Variants in CD244 observed in about 807,000 individuals in gnomAD.
CD244 encodes the protein natural killer cell receptor 2B4.
Under a neutral mutation model 45.5 loss-of-function variants are expected in CD244, and 20 were observed. That is an observed-to-expected ratio of 0.44 (90% CI 0.31 to 0.64). The LOEUF is 0.64. Ranked by LOEUF, CD244 falls within the 30% of genes least tolerant of loss-of-function variation. The pLI is 0.08. For missense variants in CD244, 407 were observed against 426.9 expected (o/e 0.95, Z 0.41); for synonymous variants, 185 against 160.5 (o/e 1.15, Z -1.15).
At chr1:160,851,238 G>A (rs1557841698) in intron 1 of CD244, among the ~76,000 whole-genome samples, 1 of 152,118 alleles carries the variant, frequency 6.6e-6, no homozygotes, top group Non-Finnish European at 1.5e-5. Flanking sequence ...TTGGGGACGG[G>A]CTCAGAGTCC....
intron 1 of CD244, among the ~76,000 whole-genome samples, chr1:160,842,786 G>C (rs489910): frequency 1 from 152,291 of 152,348 alleles, 76,117 homozygotes; most frequent in Non-Finnish European, 1. Context: ...CCCAGCACTT[G>C]CCTCTCAAAG....
In CD244 at chr1:160,860,621, T is replaced by A. The variant is rs530735071; in HGVS notation, c.61+1996A>T. On this transcript the variant is annotated intron_variant, in intron 1 of 8. Transcript: ENST00000368034. ...AATATTTAGGAGTAAGGGGACATAA[T>A]GTCACAACTTGTTCTCAAGTGGTTC... is the stretch of plus-strand genomic sequence containing the variant. Among the ~76,000 whole-genome samples the A allele has an allele frequency of 9.8e-5, 15 of 152,316 alleles. No homozygotes were observed. The South Asian group carries it at 2.9e-3, about 29-fold the overall frequency.
At chr1:160,849,283 C>CTTTTTTTTTTTTT (rs371170555) in intron 1 of CD244, among the ~76,000 whole-genome samples, 7 of 139,326 alleles carry the variant, frequency 5.0e-5, no homozygotes, top group Non-Finnish European at 6.2e-5. Flanking sequence ...CCATCTCTTT[C>CTTTTTTTTTTTTT]TTTTTTTTTT....
chr1:160,840,773 G>A (rs1297861108), intron 3 of CD244, among the ~76,000 whole-genome samples: 1 of 152,152 alleles, frequency 6.6e-6, no homozygotes, highest in Non-Finnish European at 1.5e-5. Context: ...AACTCATCTA[G>A]GTATCCCTGG....
chr1:160,849,283 C>CTTTTTTTTTTTTTTTTTTTTTT (rs371170555), intron 1 of CD244, among the ~76,000 whole-genome samples: 2 of 139,328 alleles, frequency 1.4e-5, no homozygotes, highest in African/African-American at 2.6e-5. Flanking sequence ...CCATCTCTTT[C>CTTTTTTTTTTTTTTTTTTTTTT]TTTTTTTTTT....
At position 160,862,795 on chromosome 1, in the gene CD244, C is replaced by T; in HGVS notation, c.-118G>A. On this transcript the variant is annotated 5_prime_UTR_variant, in exon 1 of 9. Transcript: ENST00000368034. ...ATGGGGAGCAGAACTGCCTTGCAAC[C>T]TGTCCAGCCACAGTTTCCTCAATTA... 1.3e-6 allele frequency: 1 copy of T among 789,914 alleles called. No individual in the cohort carries two copies. 48.9% of individuals were successfully genotyped at this position (789,914 alleles called of 1,614,324 possible).
At position 160,841,301 on chromosome 1, in the gene CD244, G is replaced by A; in HGVS notation, c.564C>T (p.Gly188=). The A allele has an allele frequency of 6.2e-7, 1 of 1,614,108 alleles. No homozygotes were observed. The change falls in exon 3 of 9, where the codon GGC becomes GGT. Residue 188 remains glycine (G), a synonymous_variant. Transcript: ENST00000368034. ...TGACATTGCAGGTATATGTGTGAGT[G>A]CCATTAATGTCAACCTCCTCGTCCA... ...TYLDEEVDIN[G]THTYTCNVSN... is the part of the protein sequence containing the mutation.
chr1:160,854,235 C>T (rs951806291), intron 1 of CD244, among the ~76,000 whole-genome samples: 16 of 152,026 alleles, frequency 1.1e-4, no homozygotes, highest in East Asian at 1.9e-4. Flanking sequence ...TATAAATATA[C>T]GGTGTAATGA....
chr1:160,845,886 A>C (rs1004141888), intron 1 of CD244, among the ~76,000 whole-genome samples: 4 of 151,946 alleles, frequency 2.6e-5, no homozygotes, highest in African/African-American at 9.7e-5. Flanking sequence ...AAACAAACCA[A>C]TGAACAAAAG....
At chr1:160,849,974 T>A (rs868276714) in intron 1 of CD244, among the ~76,000 whole-genome samples, 20 of 152,120 alleles carry the variant, frequency 1.3e-4, no homozygotes, top group Middle Eastern at 3.4e-3. Flanking sequence ...ATGGCACCAT[T>A]GCACTCCAGC....
At chr1:160,851,068 C>G (rs1669903221) in intron 1 of CD244, among the ~76,000 whole-genome samples, 1 of 152,094 alleles carries the variant, frequency 6.6e-6, no homozygotes, top group Non-Finnish European at 1.5e-5. Context: ...ACAGAGTTTC[C>G]ATGCCTTCCC....
At chr1:160,833,935 A>G in intron 7 of CD244, 116 bp downstream of exon 7, 1 of 721,994 alleles carries the variant, frequency 1.4e-6, no homozygotes, top group Non-Finnish European at 2.5e-6. Flanking sequence ...AGCTACTCAG[A>G]TACACACAAT....
chr1:160,848,957 A>G (rs535893069), intron 1 of CD244, among the ~76,000 whole-genome samples: 5 of 152,368 alleles, frequency 3.3e-5, no homozygotes, highest in East Asian at 1.9e-4. Context: ...GAGAACCCCA[A>G]CTGGAAGCTG....
chr1:160,853,739 G>A (rs1442116422), intron 1 of CD244, among the ~76,000 whole-genome samples: 1 of 139,450 alleles, frequency 7.2e-6, no homozygotes, highest in Non-Finnish European at 1.5e-5. Flanking sequence ...AGCCATGACT[G>A]CACCACTGCA....
At chr1:160,857,339 C>T (rs1379166916) in intron 1 of CD244, among the ~76,000 whole-genome samples, 2 of 152,156 alleles carry the variant, frequency 1.3e-5, no homozygotes, top group East Asian at 3.8e-4. Context: ...GCACAAAAGG[C>T]TCATCACAGC....
At position 160,842,628 on chromosome 1, in the gene CD244, T is replaced by A. The variant is rs111520051; in HGVS notation, c.62-727A>T. 1.3e-3 allele frequency among the ~76,000 whole-genome samples: 198 copies of A among 152,304 alleles called. 2 individuals carry two copies. The highest frequency in any genetic ancestry group is 6.8e-3 in the Middle Eastern group (2 of 294). On this transcript the variant is annotated intron_variant, in intron 1 of 8. Transcript: ENST00000368034. ...TCAACCATCCTCTCACAGAGCTGAATACATAATCCTCTCTCGTGGCACTTG... is the reference window on the plus strand; with the variant it reads ...TCAACCATCCTCTCACAGAGCTGAAAACATAATCCTCTCTCGTGGCACTTG...
At chr1:160,835,430 A>G (rs948571510) in intron 6 of CD244, among the ~76,000 whole-genome samples, 16 of 152,180 alleles carry the variant, frequency 1.1e-4, no homozygotes, top group Admixed American at 6.5e-4. Context: ...AACTATTTTC[A>G]TGAGGCTGTT....
At chr1:160,854,259 C>T (rs145505678) in intron 1 of CD244, among the ~76,000 whole-genome samples, 1 of 152,290 alleles carries the variant, frequency 6.6e-6, no homozygotes, top group East Asian at 1.9e-4. Flanking sequence ...ATAACGTAAA[C>T]TCCCATATAA....
At chr1:160,856,023 C>A (rs562086160) in intron 1 of CD244, among the ~76,000 whole-genome samples, 1 of 152,280 alleles carries the variant, frequency 6.6e-6, no homozygotes, top group Non-Finnish European at 1.5e-5. Context: ...GGTCTCAGAG[C>A]AAGTGGAATT....
Sources: allele counts gnomAD v4.1 joint callset (sites outside exome capture counted in the v4.1 genomes callset), GRCh38; gene constraint gnomAD v4.1.1; transcripts MANE v1.5; gene names NCBI Gene and HGNC (gene_info 2026-07-23, HGNC 2026-07-21).